The following PIGN variants were observed in gnomAD, a reference collection of about 807,000 sequenced individuals.
PIGN encodes the protein GPI ethanolamine phosphate transferase 1.
In PIGN, 117 loss-of-function variants were observed where a neutral mutation model predicts 125.4. The observed-to-expected ratio is 0.93, with a 90% confidence interval of 0.80 to 1.09. The LOEUF (loss-of-function observed/expected upper bound fraction) is 1.09. PIGN is among the 50% of genes least tolerant of loss of function. The pLI is 0.00. For missense variants in PIGN, 1,075 were observed against 1,094.9 expected (o/e 0.98, Z 0.26); for synonymous variants, 392 against 377.8 (o/e 1.04, Z -0.44).
intron 30 of PIGN, among the ~76,000 whole-genome samples, chr18:62,046,427 C>T: frequency 7.5e-6 from 1 of 132,748 alleles, no homozygotes; most frequent in Non-Finnish European, 1.7e-5. Flanking sequence ...AGATCAGCGG[C>T]AGCATTAGAT....
intron 11 of PIGN, among the ~76,000 whole-genome samples, chr18:62,142,324 C>G (rs889609904): frequency 6.6e-6 from 1 of 152,206 alleles, no homozygotes; most frequent in Non-Finnish European, 1.5e-5. Context: ...TGCCAACAGA[C>G]TGACAATTCA....
At position 62,105,742 on chromosome 18, in the gene PIGN, A is replaced by G. The variant is rs547642191; in HGVS notation, c.1768-108T>C. On this transcript the variant is annotated intron_variant, in intron 19 of 30. Coordinates refer to ENST00000640252, the MANE Select transcript of PIGN (RefSeq NM_176787.5). Reference sequence around the variant, plus strand: ...AGGTAAAAGGAAAATGCAAAGCCTTACAGCTGTTTATTATTTTATTTTTCA... The same window carrying G: ...AGGTAAAAGGAAAATGCAAAGCCTTGCAGCTGTTTATTATTTTATTTTTCA... 4 of 552,738 alleles carry G rather than the reference A, an allele frequency of 7.2e-6. No individual in the cohort carries two copies. In the East Asian group the frequency reaches 1.2e-4, roughly 16 times the overall value. 34.2% of individuals were successfully genotyped at this position (552,738 alleles called of 1,614,324 possible).
chr18:62,082,812 A>G lies in PIGN; in HGVS notation c.2503-66T>C. On this transcript the variant is annotated intron_variant, in intron 27 of 30. Transcript: ENST00000640252. ...ATCTGAAACACTTTTTGAAAAAAAT[A>G]CTATTTCTGCTTACAGAAATATTTT... 3 of 827,264 alleles carry G rather than the reference A, an allele frequency of 3.6e-6. No homozygotes were observed. In the South Asian group the frequency reaches 4.8e-5, roughly 13 times the overall value. 51.2% of individuals were successfully genotyped at this position (827,264 alleles called of 1,614,324 possible). A position where few individuals can be genotyped will look rare whatever the true frequency, so the allele number is the denominator to read the frequency against.
intron 1 of PIGN, among the ~76,000 whole-genome samples, chr18:62,166,254 G>A (rs1459125432): frequency 9.9e-5 from 15 of 152,278 alleles, no homozygotes; most frequent in African/African-American, 2.9e-4. Flanking sequence ...TTGCGCTCTG[G>A]TTGGCTCTAC....
chr18:62,047,418 C>G (rs2030818643), intron 30 of PIGN, among the ~76,000 whole-genome samples: 1 of 152,190 alleles, frequency 6.6e-6, no homozygotes. Context: ...TCAGAGGAGG[C>G]CTAGTGGAGA....
chr18:62,176,195 G>A (rs1288833144), intron 1 of PIGN, among the ~76,000 whole-genome samples: 1 of 151,922 alleles, frequency 6.6e-6, no homozygotes. Flanking sequence ...AACAAGTAAT[G>A]ACTTATTATC....
At chr18:62,116,848 A>C (rs1439354135) in intron 14 of PIGN, among the ~76,000 whole-genome samples, 1 of 152,184 alleles carries the variant, frequency 6.6e-6, no homozygotes, top group Non-Finnish European at 1.5e-5. Flanking sequence ...CTAAAATTTA[A>C]AATAAAAAGA....
intron 28 of PIGN, among the ~76,000 whole-genome samples, chr18:62,078,981 T>C (rs1489104012): frequency 2.6e-5 from 4 of 152,194 alleles, no homozygotes. Context: ...CACAACTGAA[T>C]AATGGTGAAG....
chr18:62,138,346 C>G (rs745898432), intron 13 of PIGN, 48 bp from the exon 14 acceptor site: 1 of 1,504,980 alleles, frequency 6.6e-7, no homozygotes, highest in South Asian at 1.3e-5. Context: ...ATAATGAATT[C>G]CATTTTGAAA....
intron 14 of PIGN, among the ~76,000 whole-genome samples, chr18:62,129,681 G>C (rs192610701): frequency 5.2e-5 from 2 of 38,422 alleles, no homozygotes; most frequent in African/African-American, 2.3e-4. Flanking sequence ...CAGGCACTAC[G>C]TCTATCTTTT....
intron 4 of PIGN, among the ~76,000 whole-genome samples, chr18:62,159,407 A>G (rs1226023772): frequency 6.6e-6 from 1 of 152,210 alleles, no homozygotes; most frequent in East Asian, 1.9e-4. Flanking sequence ...GTGCCACCAG[A>G]AAAGCTTGAC....
At chr18:62,027,500 G>A (rs569903104) in intron 23 of PIGN, among the ~76,000 whole-genome samples, 7 of 152,288 alleles carry the variant, frequency 4.6e-5, no homozygotes, top group South Asian at 2.1e-4. Context: ...GCGGGACAAC[G>A]CGAAGCAAAA....
chr18:62,070,187 G>T (rs1297335868), intron 30 of PIGN: 3 of 384,890 alleles, frequency 7.8e-6, no homozygotes, highest in African/African-American at 2.1e-5. Flanking sequence ...CTTAGCAAAG[G>T]TTTCACAGCT....
At position 62,044,237 on chromosome 18, in the gene PIGN, A is replaced by G. The variant is rs2030500467; in HGVS notation, c.*1619T>C. The G allele has an allele frequency of 6.6e-6, 1 of 152,250 alleles. No homozygotes were observed. Among genetic ancestry groups the G allele is most frequent in the Non-Finnish European group, 1.5e-5 (1 of 68,044 alleles). 9.4% of individuals were successfully genotyped at this position (152,250 alleles called of 1,614,324 possible). Reference sequence around the variant, plus strand: ...AACTGAGCACCCTTTACAATGTTGTAATAAAATATTTATTAATTTCTCTTT... The same window carrying G: ...AACTGAGCACCCTTTACAATGTTGTGATAAAATATTTATTAATTTCTCTTT... On this transcript the variant is annotated 3_prime_UTR_variant, in exon 31 of 31. Coordinates refer to ENST00000640252, the MANE Select transcript of PIGN (RefSeq NM_176787.5).
chr18:62,090,395 T>G, intron 24 of PIGN, 81 bp downstream of exon 24: 2 of 748,990 alleles, frequency 2.7e-6, no homozygotes, highest in South Asian at 2.0e-5. Flanking sequence ...TAGAAAGAAT[T>G]TTTGAAATAA....
rs893990184 is a variant in PIGN, at chr18:62,139,146, A to G, written c.1024-71T>C. ...AGGCTATCCTTATAAAACAAAACAG[A>G]CTTAAAAGCAATAAAGATAAGGCAT... On this transcript the variant is annotated intron_variant, in intron 12 of 30. Coordinates refer to ENST00000640252, the MANE Select transcript of PIGN (RefSeq NM_176787.5). The G allele has an allele frequency of 1.2e-5, 10 of 844,858 alleles. No individual in the cohort carries two copies. The African/African-American group carries it at 1.5e-4, about 13-fold the overall frequency. The allele number at this position is 844,858 out of a possible 1,614,324, so 52.3% of individuals were successfully genotyped here.
chr18:62,168,662 A>T (rs1184155838), intron 1 of PIGN, among the ~76,000 whole-genome samples: 1 of 152,144 alleles, frequency 6.6e-6, no homozygotes, highest in Admixed American at 6.5e-5. Context: ...TCTACCATCC[A>T]TATTCCAATT....
At chr18:62,087,153 A>G (rs775936402) in intron 25 of PIGN, among the ~76,000 whole-genome samples, 2 of 152,214 alleles carry the variant, frequency 1.3e-5, no homozygotes, top group Non-Finnish European at 2.9e-5. Flanking sequence ...CAGGCACAAT[A>G]AAAGAAGGTT....
rs2036036258 is a variant in PIGN, at chr18:62,138,991, G to C, written c.1108C>G (p.Gln370Glu). Residue 370 changes from glutamine to glutamate, a missense_variant, in exon 13 of 31, where the codon CAG becomes GAG. By Grantham distance (29) the Gln-to-Glu change is conservative (BLOSUM62 2). Around this residue, in one of 3 missense-constraint regions of PIGN, gnomAD observed 915 missense variants for 908.7 expected, o/e 1.01. Coordinates refer to ENST00000640252, the MANE Select transcript of PIGN (RefSeq NM_176787.5). ...TTGAATTTTTTTTTTACCTTGAACTGTTCAAGAATCTGTACTGCATTTGTA... is the reference window on the plus strand; with the variant it reads ...TTGAATTTTTTTTTTACCTTGAACTCTTCAAGAATCTGTACTGCATTTGTA... Reference protein sequence around the residue: ...MFTNAVQILEQFKVKMTQKKE... With the variant: ...MFTNAVQILEEFKVKMTQKKE... 1.9e-6 allele frequency: 3 copies of C among 1,597,360 alleles called. No individual in the cohort carries two copies. Among genetic ancestry groups the C allele is most frequent in the Non-Finnish European group, 2.6e-6 (3 of 1,167,672 alleles).
Sources: allele counts gnomAD v4.1 joint callset (sites outside exome capture counted in the v4.1 genomes callset), GRCh38; gene constraint gnomAD v4.1.1; regional missense constraint gnomAD v4.1.1; transcripts MANE v1.5; gene names NCBI Gene and HGNC (gene_info 2026-07-23, HGNC 2026-07-21).